The following MAF variants were observed in gnomAD, a reference collection of about 807,000 sequenced individuals.
The protein encoded by MAF is transcription factor Maf.
In MAF, 10 loss-of-function variants were observed where a neutral mutation model predicts 22.0. The observed-to-expected ratio is 0.45, with a 90% CI of 0.28 to 0.77. MAF has a LOEUF of 0.77. Ranked by LOEUF, MAF falls within the 30% of genes least tolerant of loss-of-function variation. The pLI is 0.12. For missense variants in MAF, 544 were observed against 548.4 expected (o/e 0.99, Z 0.08); for synonymous variants, 337 against 255.8 (o/e 1.32, Z -3.03).
chr16:79,216,998 T>C, the MAF span, among the ~76,000 whole-genome samples: 4,080 of 152,174 alleles, frequency 0.027, 176 homozygotes, highest in African/African-American at 0.094. Context: ...TTAGTAGAGA[T>C]AGGGTTTTGC....
At chr16:79,598,329 C>G in intron 1 of MAF, 3 of 1,111,912 alleles carry the variant, frequency 2.7e-6, no homozygotes, top group Non-Finnish European at 3.3e-6. Context: ...AGTTCATGAA[C>G]TGAAGGGGAA....
chr16:79,282,765 G>A, the MAF span, among the ~76,000 whole-genome samples: 3 of 152,154 alleles, frequency 2.0e-5, no homozygotes, highest in Non-Finnish European at 4.4e-5. Context: ...GGTTTCATCT[G>A]GGGGTTTAAT....
the MAF span, among the ~76,000 whole-genome samples, chr16:79,318,041 G>C: frequency 6.6e-6 from 1 of 152,152 alleles, no homozygotes; most frequent in African/African-American, 2.4e-5. Context: ...CCTAGCTGAG[G>C]AGTAAGGAGA....
the MAF span, among the ~76,000 whole-genome samples, chr16:79,570,245 C>A: frequency 1.3e-5 from 2 of 152,236 alleles, no homozygotes; most frequent in Middle Eastern, 3.4e-3. Context: ...TCCTTCTGGG[C>A]TCTGCCTAAT....
At chr16:79,247,670 C>T in the MAF span, among the ~76,000 whole-genome samples, 1 of 152,168 alleles carries the variant, frequency 6.6e-6, no homozygotes, top group Non-Finnish European at 1.5e-5. Context: ...AACCCATCCT[C>T]ATTAGCTGCA....
the MAF span, among the ~76,000 whole-genome samples, chr16:79,372,967 G>A: frequency 6.6e-6 from 1 of 152,102 alleles, no homozygotes; most frequent in Non-Finnish European, 1.5e-5. Flanking sequence ...CAAGATCTCT[G>A]CTAGAGAGTC....
At chr16:79,212,390 C>T in the MAF span, 1 of 466,186 alleles carries the variant, frequency 2.1e-6, no homozygotes, top group Non-Finnish European at 3.8e-6. Flanking sequence ...TACCAGGTGG[C>T]AAAGTACTTG....
At chr16:79,554,613 G>A in the MAF span, among the ~76,000 whole-genome samples, 2 of 152,076 alleles carry the variant, frequency 1.3e-5, no homozygotes, top group Non-Finnish European at 2.9e-5. Context: ...CTACTGATGC[G>A]GCCCAGTGAC....
At chr16:79,377,824 G>C in the MAF span, among the ~76,000 whole-genome samples, 1 of 152,166 alleles carries the variant, frequency 6.6e-6, no homozygotes, top group Non-Finnish European at 1.5e-5. Context: ...GTTTGTCAAA[G>C]ATCAGATAGT....
At chr16:79,274,990 C>G in the MAF span, among the ~76,000 whole-genome samples, 1 of 152,194 alleles carries the variant, frequency 6.6e-6, no homozygotes, top group African/African-American at 2.4e-5. Flanking sequence ...GTGACCTTAA[C>G]TGAGATATGC....
At chr16:79,576,816 TA>T in the MAF span, among the ~76,000 whole-genome samples, 1 of 152,172 alleles carries the variant, frequency 6.6e-6, no homozygotes, top group Non-Finnish European at 1.5e-5. Flanking sequence ...TTACATACAT[TA>T]CCATATTTAG....
chr16:79,394,715 C>T, the MAF span, among the ~76,000 whole-genome samples: 1 of 152,170 alleles, frequency 6.6e-6, no homozygotes, highest in Non-Finnish European at 1.5e-5. Context: ...ACCTTTAAAA[C>T]ACACAGATGC....
chr16:79,470,632 T>G, the MAF span, among the ~76,000 whole-genome samples: 2 of 152,236 alleles, frequency 1.3e-5, no homozygotes, highest in Admixed American at 6.5e-5. Flanking sequence ...TTACTGGGTA[T>G]TATTCTTCCC....
At chr16:79,322,986 T>G in the MAF span, among the ~76,000 whole-genome samples, 20 of 150,702 alleles carry the variant, frequency 1.3e-4, no homozygotes, top group Non-Finnish European at 2.7e-4. Flanking sequence ...CCATCTCTAC[T>G]AAAAATACAA....
At chr16:79,340,221 A>G in the MAF span, among the ~76,000 whole-genome samples, 1 of 152,028 alleles carries the variant, frequency 6.6e-6, no homozygotes, top group East Asian at 2.0e-4. Context: ...AGTGTTAAGC[A>G]GAGATAACAG....
chr16:79,271,081 T>A, the MAF span, among the ~76,000 whole-genome samples: 1 of 106,952 alleles, frequency 9.3e-6, no homozygotes, highest in Non-Finnish European at 1.8e-5. Flanking sequence ...GCATTTTTTT[T>A]TATTTTTTAT....
the MAF span, among the ~76,000 whole-genome samples, chr16:79,568,429 T>C: frequency 6.6e-6 from 1 of 152,214 alleles, no homozygotes; most frequent in South Asian, 2.1e-4. Context: ...TCCTAATTCA[T>C]TTATTGCCTT....
the MAF span, among the ~76,000 whole-genome samples, chr16:79,283,704 G>A: frequency 2.1e-3 from 318 of 152,254 alleles, no homozygotes; most frequent in Non-Finnish European, 3.2e-3. Context: ...CAGACTCTGG[G>A]TTAGCTCTGA....
At chr16:79,502,708 A>AATATATATAC in the MAF span, among the ~76,000 whole-genome samples, 4 of 34,002 alleles carry the variant, frequency 1.2e-4, no homozygotes, top group African/African-American at 2.7e-4. Context: ...TATAAATATA[A>AATATATATAC]ATATATATAT....
Sources: gnomAD v4.1 joint callset for allele counts (sites outside exome capture counted in the v4.1 genomes callset) on GRCh38, gnomAD v4.1.1 for gene constraint, MANE v1.5 for transcripts, NCBI Gene and HGNC (gene_info 2026-07-23, HGNC 2026-07-21) for gene names.